Variants in ATP8B4 observed in about 807,000 individuals in gnomAD.
The protein encoded by ATP8B4 is ATPase phospholipid transporting 8B4 (putative).
Under a neutral mutation model 145.6 loss-of-function variants are expected in ATP8B4, and 133 were observed. The observed-to-expected ratio is 0.91, with a 90% confidence interval of 0.79 to 1.05. The LOEUF is 1.05. Ranked by LOEUF, ATP8B4 falls within the 50% of genes least tolerant of loss-of-function variation. The pLI is 0.00. For synonymous variants in ATP8B4, 507 were observed against 492.9 expected (o/e 1.03, Z -0.38); for missense variants, 1,458 against 1,425.2 (o/e 1.02, Z -0.37).
At position 50,178,125 on chromosome 15, in the gene ATP8B4, G is replaced by A. The variant is rs188706015; in HGVS notation, c.-43+4136C>T. ...AGGACAGAAGACAGTGGGCATTTGA[G>A]GTCATCTATACCTGGATAGAAAGTT... On this transcript the variant is annotated intron_variant, in intron 1 of 3. Coordinates refer to the ATP8B4 transcript ENST00000558829. Among the ~76,000 whole-genome samples, 170 of 152,262 alleles carry A rather than the reference G, an allele frequency of 1.1e-3. 1 individual carries two copies. Among genetic ancestry groups the A allele is most frequent in the African/African-American group, 4.0e-3 (167 of 41,552 alleles).
Position 50,074,173 on chromosome 15 carries a change from A to C in ATP8B4, c.41T>G (p.Ile14Arg). The C allele has an allele frequency of 6.2e-7, 1 of 1,612,386 alleles. No homozygotes were observed. The highest frequency in any genetic ancestry group is 2.2e-5 in the East Asian group (1 of 44,824). ...SEKKLREVER[I>R]VKANDREYNE... ...ATATTCACGGTCATTGGCTTTCACT[A>C]TCCGTTCCACTTCTAAAGAGAGAGA... The change falls in exon 3 of 28, where the codon ATA becomes AGA. Residue 14 changes from isoleucine (I) to arginine (R), a missense_variant. By Grantham distance (97) the Ile-to-Arg change is moderately conservative. Coordinates refer to ENST00000284509, the MANE Select transcript of ATP8B4 (RefSeq NM_024837.4).
chr15:49,864,619 T>G (rs929070203), intron 26 of ATP8B4, among the ~76,000 whole-genome samples: 1 of 152,336 alleles, frequency 6.6e-6, no homozygotes, highest in South Asian at 2.1e-4. Context: ...ACCCTATACA[T>G]AGACCAGAGG....
intron 23 of ATP8B4, among the ~76,000 whole-genome samples, chr15:49,882,665 G>A (rs1415797847): frequency 6.6e-6 from 1 of 152,166 alleles, no homozygotes; most frequent in Non-Finnish European, 1.5e-5. Flanking sequence ...CAGTGCAAAA[G>A]TATGAAAATC....
intron 2 of ATP8B4, among the ~76,000 whole-genome samples, chr15:50,088,256 G>A (rs555331030): frequency 3.2e-4 from 49 of 151,976 alleles, no homozygotes; most frequent in African/African-American, 1.1e-3. Context: ...GGTGGCAGGC[G>A]TCTGTAGTCC....
chr15:49,872,320 C>T (rs1243871149), intron 25 of ATP8B4, among the ~76,000 whole-genome samples: 1 of 152,124 alleles, frequency 6.6e-6, no homozygotes, highest in Non-Finnish European at 1.5e-5. Flanking sequence ...TAAAATTACA[C>T]CTGCTACAGT....
intron 23 of ATP8B4, chr15:49,885,892 C>G (rs1488959684): frequency 6.6e-6 from 1 of 152,210 alleles, no homozygotes; most frequent in East Asian, 1.9e-4. Flanking sequence ...GATGTCCATC[C>G]TCTTACTTCT....
chr15:49,860,221 A>G lies in ATP8B4; in HGVS notation c.3552T>C (p.Phe1184=). ...ACAGTTTCACTGTTTTATCCTGGCT[A>G]AAGCTGCTCACGGTGTCTGTGGTTT... The part of the protein sequence containing the change: ...CKKTTDTVSS[F]SQDKTVKL The change falls in exon 28 of 28, where the codon TTT becomes TTC. Residue 1184 remains phenylalanine (F), a synonymous_variant. Transcript: ENST00000284509. 1.2e-6 allele frequency: 2 copies of G among 1,613,858 alleles called. No homozygotes were observed. Among genetic ancestry groups the G allele is most frequent in the Non-Finnish European group, 1.7e-6 (2 of 1,179,920 alleles).
At chr15:49,889,544 C>A (rs766838164) in intron 23 of ATP8B4, among the ~76,000 whole-genome samples, 2 of 152,164 alleles carry the variant, frequency 1.3e-5, no homozygotes, top group Non-Finnish European at 2.9e-5. Context: ...ATCACATCAC[C>A]ATCCATCACA....
intron 6 of ATP8B4, among the ~76,000 whole-genome samples, chr15:50,022,791 CAG>C (rs1352467361): frequency 2.6e-5 from 4 of 152,196 alleles, no homozygotes; most frequent in African/African-American, 9.7e-5. Context: ...GTCCCTGGAA[CAG>C]GGGAAAGCCT....
At chr15:49,919,062 A>G in intron 18 of ATP8B4, 112 bp from the exon 19 acceptor site, 1 of 768,456 alleles carries the variant, frequency 1.3e-6, no homozygotes, top group Non-Finnish European at 2.1e-6. Context: ...TTGAAGACAG[A>G]AATTATGATA....
At chr15:49,875,967 A>AT (rs369044106) in intron 25 of ATP8B4, among the ~76,000 whole-genome samples, 9 of 151,050 alleles carry the variant, frequency 6.0e-5, no homozygotes, top group East Asian at 1.9e-4. Flanking sequence ...TGTTATTGGA[A>AT]TTTTTTTTTT....
intron 1 of ATP8B4, among the ~76,000 whole-genome samples, chr15:50,117,448 T>C (rs2057188555): frequency 6.6e-6 from 1 of 152,146 alleles, no homozygotes; most frequent in Non-Finnish European, 1.5e-5. Flanking sequence ...ATATTCAATA[T>C]GCCACATATG....
intron 6 of ATP8B4, among the ~76,000 whole-genome samples, chr15:50,025,281 C>T (rs1599878372): frequency 6.6e-6 from 1 of 152,316 alleles, no homozygotes. Context: ...AAGACAAACC[C>T]TTCCACACAA....
intron 1 of ATP8B4, among the ~76,000 whole-genome samples, chr15:50,108,615 C>T (rs1412956806): frequency 1.2e-4 from 18 of 152,168 alleles, no homozygotes; most frequent in Non-Finnish European, 1.5e-5. Context: ...CTGTAGCCAT[C>T]TGTCTCCACC....
chr15:49,983,850 T>C (rs182704953), intron 10 of ATP8B4, among the ~76,000 whole-genome samples: 1 of 152,352 alleles, frequency 6.6e-6, no homozygotes, highest in Admixed American at 6.5e-5. Context: ...CCTTCTTTTT[T>C]GACCTCACTT....
At chr15:50,116,318 T>C (rs2057159058) in intron 1 of ATP8B4, among the ~76,000 whole-genome samples, 1 of 152,030 alleles carries the variant, frequency 6.6e-6, no homozygotes, top group Non-Finnish European at 1.5e-5. Flanking sequence ...GAATCTGGGG[T>C]GACTTCCAGG....
rs202044373 is a variant in ATP8B4, at chr15:49,962,055, G to A, written c.1244-35C>T. ...CAAAAATTGAGAATTAAAAGTAAGT[G>A]AAACCGAAATTAGAATTAGACATTT... On this transcript the variant is annotated intron_variant, in intron 13 of 27. Coordinates refer to ENST00000284509, the MANE Select transcript of ATP8B4 (RefSeq NM_024837.4). 16 of 1,511,102 alleles carry A rather than the reference G, an allele frequency of 1.1e-5. No homozygotes were observed. The Admixed American group carries it at 1.7e-4, about 16-fold the overall frequency. The allele number at this position is 1,511,102 out of a possible 1,614,324, so 93.6% of individuals were successfully genotyped here.
intron 23 of ATP8B4, among the ~76,000 whole-genome samples, chr15:49,892,515 T>C (rs1952056588): frequency 6.6e-6 from 1 of 152,214 alleles, no homozygotes; most frequent in South Asian, 2.1e-4. Flanking sequence ...ATATTCTTGT[T>C]ATCATTTTGC....
At chr15:50,022,581 G>C (rs765018256) in intron 6 of ATP8B4, among the ~76,000 whole-genome samples, 3 of 152,176 alleles carry the variant, frequency 2.0e-5, no homozygotes, top group African/African-American at 4.8e-5. Context: ...CTGTATTATT[G>C]AGGCTTATCA....
Sources: gnomAD v4.1 joint callset for allele counts (sites outside exome capture counted in the v4.1 genomes callset) on GRCh38, gnomAD v4.1.1 for gene constraint, MANE v1.5 for transcripts, NCBI Gene and HGNC (gene_info 2026-07-23, HGNC 2026-07-21) for gene names.